The following MTSS1 variants were observed in gnomAD, a reference collection of about 807,000 sequenced individuals.
MTSS1 encodes MTSS I-BAR domain containing 1, also known as protein MTSS 1.
In MTSS1, 18 loss-of-function variants were observed where a neutral mutation model predicts 79.0. The observed-to-expected ratio is 0.23, with a 90% CI of 0.16 to 0.34. The LOEUF (loss-of-function observed/expected upper bound fraction) is 0.34, where lower values mean the gene tolerates loss of function less well. Among genes scored for constraint, MTSS1 ranks in the 10% least tolerant of loss-of-function variants. MTSS1 has a pLI of 1.00. For missense variants in MTSS1, 815 were observed against 986.2 expected (o/e 0.83, Z 2.33); for synonymous variants, 341 against 368.6 (o/e 0.93, Z 0.86).
At chr8:124,689,892 G>A (rs1206913012) in intron 3 of MTSS1, among the ~76,000 whole-genome samples, 1 of 152,042 alleles carries the variant, frequency 6.6e-6, no homozygotes, top group Non-Finnish European at 1.5e-5. Context: ...TAGTTATTAA[G>A]CCAAAACAAA....
rs1176269471 is a variant in MTSS1, at chr8:124,727,597, C to T, written c.72+287G>A. 2 of 588,464 alleles carry T rather than the reference C, an allele frequency of 3.4e-6. No homozygotes were observed. The highest frequency in any genetic ancestry group is 1.8e-5 in the African/African-American group (1 of 54,268). The allele number at this position is 588,464 out of a possible 1,614,324, so 36.5% of individuals were successfully genotyped here. ...ACAATGGGAAAACTTGCAGCCAGTG[C>T]CTTGAGCCCCCGAGGGAAAGAAATG... On this transcript the variant is annotated intron_variant, in intron 1 of 13. Transcript: ENST00000518547. This position sits in a 1 kb window ranked among gnomAD's most constrained non-coding sequence, Gnocchi z 4.7.
chr8:124,590,389 T>C (rs549123851), intron 4 of MTSS1, among the ~76,000 whole-genome samples: 2 of 152,206 alleles, frequency 1.3e-5, no homozygotes, highest in South Asian at 2.1e-4. Flanking sequence ...TCACTATTTT[T>C]AAAAAAGACC....
chr8:124,586,382 G>A (rs911071352), intron 5 of MTSS1, among the ~76,000 whole-genome samples: 2 of 152,120 alleles, frequency 1.3e-5, no homozygotes, highest in African/African-American at 2.4e-5. Flanking sequence ...CTGCTCTAAC[G>A]TCAGCGTGAT....
At position 124,553,687 on chromosome 8, in the gene MTSS1, C is replaced by A; in HGVS notation, c.1573G>T (p.Asp525Tyr). 1 of 1,606,526 alleles carries A rather than the reference C, an allele frequency of 6.2e-7. No homozygotes were observed. The highest frequency in any genetic ancestry group is 8.5e-7 in the Non-Finnish European group (1 of 1,175,234). The change falls in exon 14 of 14, where the codon GAT (aspartate) becomes TAT (tyrosine). Residue 525 changes from aspartate to tyrosine, a missense_variant. Physicochemically the swap from Asp to Tyr is radical, Grantham distance 160. Around this residue, in one of 2 missense-constraint regions of MTSS1, gnomAD observed 590 missense variants for 620.8 expected, o/e 0.95. Transcript: ENST00000518547. The surrounding 1 kb of genome is among the most constrained non-coding windows in gnomAD (Gnocchi z 6.0). Reference protein sequence around the residue: ...SEDTIPSQVSDYDYFSVSGDQ... With the variant: ...SEDTIPSQVSYYDYFSVSGDQ... The stretch of plus-strand genomic sequence containing the variant: ...CCACTTACAGAGAAATAATCATAAT[C>A]TGAAACTGATTATAGGATTTGATTA...
intron 1 of MTSS1, among the ~76,000 whole-genome samples, chr8:124,704,548 A>G (rs750269906): frequency 2.0e-5 from 3 of 152,148 alleles, no homozygotes; most frequent in Non-Finnish European, 2.9e-5. Flanking sequence ...CTGTTCTCCC[A>G]CTTGCCCCAA....
intron 3 of MTSS1, among the ~76,000 whole-genome samples, chr8:124,668,555 A>T (rs532752023): frequency 6.6e-6 from 1 of 152,276 alleles, no homozygotes; most frequent in Admixed American, 6.5e-5. Context: ...AGGATGGAAA[A>T]CAGACCTACA....
chr8:124,634,737 A>G lies in MTSS1; in HGVS notation c.209-43502T>C, dbSNP rs147196386. Reference sequence around the variant, plus strand: ...AAAAATGCTAGCAAATGCACAGTCCATGTCCTTGGTATTCAAAGTGTGCTC... The same window carrying G: ...AAAAATGCTAGCAAATGCACAGTCCGTGTCCTTGGTATTCAAAGTGTGCTC... On this transcript the variant is annotated intron_variant, in intron 3 of 13. Coordinates refer to ENST00000518547, the MANE Select transcript of MTSS1 (RefSeq NM_014751.6). Among the ~76,000 whole-genome samples the G allele has an allele frequency of 9.3e-3, 1,412 of 152,034 alleles. 71 individuals are homozygous for G. The highest frequency in any genetic ancestry group is 0.081 in the Admixed American group (1,237 of 15,262).
At chr8:124,588,390 C>T (rs1037470613) in intron 5 of MTSS1, among the ~76,000 whole-genome samples, 2 of 152,174 alleles carry the variant, frequency 1.3e-5, no homozygotes, top group Non-Finnish European at 2.9e-5. Flanking sequence ...ATGTAAAAAG[C>T]ATCAGAATGA....
chr8:124,552,808 C>A lies in MTSS1; in HGVS notation c.*184G>T. On this transcript the variant is annotated 3_prime_UTR_variant, in exon 14 of 14. Transcript: ENST00000518547. ...TGTCAATATTTACAAATTAAAAGATCAAGATTATGTCAGTTACATAGGTTG... is the reference window on the plus strand; with the variant it reads ...TGTCAATATTTACAAATTAAAAGATAAAGATTATGTCAGTTACATAGGTTG... The A allele has an allele frequency of 1.9e-6, 1 of 520,612 alleles. No individual in the cohort carries two copies. The highest frequency in any genetic ancestry group is 1.9e-5 in the African/African-American group (1 of 53,130). The allele number at this position is 520,612 out of a possible 1,614,324, so 32.2% of individuals were successfully genotyped here.
intron 6 of MTSS1, among the ~76,000 whole-genome samples, chr8:124,569,093 G>A (rs1827196627): frequency 6.6e-6 from 1 of 152,164 alleles, no homozygotes; most frequent in Non-Finnish European, 1.5e-5. Flanking sequence ...ACTCTCTAGT[G>A]GAGAGTCTTG....
chr8:124,705,053 C>T (rs1830198365), intron 1 of MTSS1, among the ~76,000 whole-genome samples: 1 of 152,156 alleles, frequency 6.6e-6, no homozygotes, highest in South Asian at 2.1e-4. Context: ...CGACGTCTCC[C>T]TTCCTACACA....
intron 13 of MTSS1, among the ~76,000 whole-genome samples, chr8:124,554,529 T>C (rs552572448): frequency 5.9e-5 from 9 of 152,226 alleles, no homozygotes; most frequent in Non-Finnish European, 1.3e-4. Flanking sequence ...GCATAGCTTT[T>C]GGTCAATTAT....
intron 6 of MTSS1, chr8:124,579,671 A>G (rs1197699359): frequency 1.3e-5 from 2 of 152,256 alleles, no homozygotes; most frequent in East Asian, 1.9e-4. Context: ...CTAGCCCAAC[A>G]TCGCCATGAG....
At chr8:124,632,298 A>AAAAAAGT (rs1563900752) in intron 3 of MTSS1, among the ~76,000 whole-genome samples, 1 of 149,272 alleles carries the variant, frequency 6.7e-6, no homozygotes, top group African/African-American at 2.5e-5. Flanking sequence ...AAAAAAAAAA[A>AAAAAAGT]GGTAAGGAAC....
chr8:124,572,325 A>G (rs1827951621), intron 6 of MTSS1, among the ~76,000 whole-genome samples: 1 of 152,178 alleles, frequency 6.6e-6, no homozygotes, highest in Non-Finnish European at 1.5e-5. Flanking sequence ...TAAAACTACA[A>G]TGTTTATTTA....
At chr8:124,627,909 G>A (rs1378988425) in intron 3 of MTSS1, among the ~76,000 whole-genome samples, 5 of 152,206 alleles carry the variant, frequency 3.3e-5, no homozygotes, top group African/African-American at 1.2e-4. Context: ...GCTCACGCCT[G>A]TAATCCCAAC....
chr8:124,665,358 C>T (rs1361839894), intron 3 of MTSS1, among the ~76,000 whole-genome samples: 1 of 152,256 alleles, frequency 6.6e-6, no homozygotes, highest in Non-Finnish European at 1.5e-5. Context: ...TCCATCTCCG[C>T]AGACCTGAGT....
rs1376312284 is a variant in MTSS1, at chr8:124,656,329, T to C, written c.208+43197A>G. Among the ~76,000 whole-genome samples the C allele has an allele frequency of 2.8e-5, 4 of 145,372 alleles. No homozygotes were observed. The East Asian group carries it at 8.3e-4, about 30-fold the overall frequency. The stretch of plus-strand genomic sequence containing the variant: ...GAGCTAGGGAGACCAGCTTGCAAAA[T>C]AAAGTTCTTAAGAGAGCTAAATGAG... On this transcript the variant is annotated intron_variant, in intron 3 of 13. Coordinates refer to ENST00000518547, the MANE Select transcript of MTSS1 (RefSeq NM_014751.6).
At chr8:124,667,821 T>A (rs1409214252) in intron 3 of MTSS1, among the ~76,000 whole-genome samples, 1 of 151,920 alleles carries the variant, frequency 6.6e-6, no homozygotes. Context: ...CTCACACCTA[T>A]AATCCCAACA....
Sources: allele counts gnomAD v4.1 joint callset (sites outside exome capture counted in the v4.1 genomes callset), GRCh38; gene constraint gnomAD v4.1.1; regional missense constraint gnomAD v4.1.1; non-coding constraint Gnocchi (gnomAD v3.1); transcripts MANE v1.5; gene names NCBI Gene and HGNC (gene_info 2026-07-23, HGNC 2026-07-21).